KPNB1: variants seen among roughly 807,000 people sequenced by gnomAD.
KPNB1 encodes importin subunit beta-1.
KPNB1 carries 7 observed loss-of-function variants against 113.0 expected under a neutral mutation model. That is an observed-to-expected ratio of 0.06 (90% confidence interval 0.04 to 0.12). The LOEUF (loss-of-function observed/expected upper bound fraction) is 0.12. Ranked by LOEUF, KPNB1 falls within the 10% of genes least tolerant of loss-of-function variation. KPNB1 has a pLI of 1.00. For missense variants in KPNB1, 400 were observed against 1,054.8 expected, an observed-to-expected ratio of 0.38 and a Z score of 8.60; for synonymous variants, 363 against 378.6, an observed-to-expected ratio of 0.96 and a Z score of 0.48.
Position 47,684,192 on chromosome 17 carries a change from CTCCCT to C in KPNB1, c.*1792_*1796del, listed in dbSNP as rs2030877465. 6.6e-6 allele frequency: 1 copy of C among 152,088 alleles called. No individual in the cohort carries two copies. Among genetic ancestry groups the C allele is most frequent in the Non-Finnish European group, 1.5e-5 (1 of 68,020 alleles). The allele number at this position is 152,088 out of a possible 1,614,324, so 9.4% of individuals were successfully genotyped here. A position where few individuals can be genotyped will look rare whatever the true frequency, so the allele number is the denominator to read the frequency against. ...TTTTCTCCAACTCCTCGTTTATATCCTCCCTTCCATGTCCAAGCCTTCCATTCCTA... is the reference window on the plus strand; with the variant it reads ...TTTTCTCCAACTCCTCGTTTATATCCTCCATGTCCAAGCCTTCCATTCCTA... On this transcript the variant is annotated 3_prime_UTR_variant, in exon 22 of 22. Coordinates refer to ENST00000290158, the MANE Select transcript of KPNB1 (RefSeq NM_002265.6).
rs762917076 is a variant in KPNB1 at position 47,673,001 on chromosome 17, C to T, written c.1548-17C>T. 1.3e-5 allele frequency: 21 copies of T among 1,597,816 alleles called. 1 individual carries two copies. In the East Asian group the frequency reaches 1.3e-4, roughly 10 times the overall value. On this transcript the variant is annotated splice_polypyrimidine_tract_variant and intron_variant, in intron 12 of 21. Coordinates refer to ENST00000290158, the MANE Select transcript of KPNB1 (RefSeq NM_002265.6). ...TTTTCATTTGAGGCTTTAAGATTTT[C>T]GCTGTGTTCTTTACAGACCTGATGG...
chr17:47,684,005 CTT>C lies in KPNB1; in HGVS notation c.*1604_*1605del, dbSNP rs779825429. On this transcript the variant is annotated 3_prime_UTR_variant, in exon 22 of 22. Coordinates refer to ENST00000290158, the MANE Select transcript of KPNB1 (RefSeq NM_002265.6). Reference sequence around the variant, plus strand: ...AGGGATGTTGGTGAGCTTTGATCCTCTTTTGGTTTTGCAGTTGTTAGGAGTTT... The same window carrying C: ...AGGGATGTTGGTGAGCTTTGATCCTCTTGGTTTTGCAGTTGTTAGGAGTTT... 1 of 152,114 alleles carries C rather than the reference CTT, an allele frequency of 6.6e-6. No homozygotes were observed. The highest frequency in any genetic ancestry group is 1.5e-5 in the Non-Finnish European group (1 of 68,012). 9.4% of individuals were successfully genotyped at this position (152,114 alleles called of 1,614,324 possible).
chr17:47,678,261 C>G (rs747593180), intron 18 of KPNB1, 47 bp from the exon 19 acceptor site: 1 of 1,608,658 alleles, frequency 6.2e-7, no homozygotes, highest in Non-Finnish European at 8.5e-7. Context: ...AAACATGCAG[C>G]TAAAAGTGAT....
At position 47,652,742 on chromosome 17, in the gene KPNB1, A is replaced by G; in HGVS notation, c.148A>G (p.Ser50Gly). Residue 50 changes from serine (S) to glycine (G), a missense_variant, in exon 3 of 22, where the codon AGT becomes GGT. This residue lies in a region of KPNB1 where 285 missense variants were observed against 627.0 expected (regional missense o/e 0.45). Coordinates refer to ENST00000290158, the MANE Select transcript of KPNB1 (RefSeq NM_002265.6). ...LSRVLANPGN[S>G]QVARVAAGLQ... ...CAGAGTGCTGGCAAATCCAGGAAAC[A>G]GTCAGGTTGCCAGAGTTGCAGCTGG... 2 of 1,613,118 alleles carry G rather than the reference A, an allele frequency of 1.2e-6. No individual in the cohort carries two copies. The highest frequency in any genetic ancestry group is 1.7e-6 in the Non-Finnish European group (2 of 1,179,716).
chr17:47,658,734 GT>G, intron 5 of KPNB1, 74 bp downstream of exon 5: 1 of 1,329,192 alleles, frequency 7.5e-7, no homozygotes, highest in East Asian at 2.3e-5. Flanking sequence ...TTTTTGTTTT[GT>G]TTTCTTAAGT....
intron 5 of KPNB1, among the ~76,000 whole-genome samples, chr17:47,659,671 A>C (rs568818888): frequency 1.9e-4 from 29 of 152,332 alleles, no homozygotes; most frequent in Non-Finnish European, 3.4e-4. Flanking sequence ...AATGGAAAAA[A>C]AATAATGAAA....
chr17:47,660,860 C>CT (rs1365339053), intron 5 of KPNB1, among the ~76,000 whole-genome samples: 1 of 152,124 alleles, frequency 6.6e-6, no homozygotes, highest in Non-Finnish European at 1.5e-5. Flanking sequence ...TCCCTGAAGT[C>CT]TTTGTTAGTG....
rs1555619992 is a variant in KPNB1 at position 47,683,118 on chromosome 17, A to AAAC, written c.*715_*716insACA. On this transcript the variant is annotated 3_prime_UTR_variant, in exon 22 of 22. Coordinates refer to ENST00000290158, the MANE Select transcript of KPNB1 (RefSeq NM_002265.6). ...AAAAAAAAAAAAAAAAAAAAAAAAAAACACACACACAGAGGAAAGACGCTC... is the reference window on the plus strand; with the variant it reads ...AAAAAAAAAAAAAAAAAAAAAAAAAAAACACACACACACAGAGGAAAGACGCTC... 2.4e-4 allele frequency: 34 copies of AAAC among 143,186 alleles called. No individual in the cohort carries two copies. Among genetic ancestry groups the AAAC allele is most frequent in the Middle Eastern group, 3.8e-3 (1 of 264 alleles). The allele number at this position is 143,186 out of a possible 1,614,324, so 8.9% of individuals were successfully genotyped here. A position where few individuals can be genotyped will look rare whatever the true frequency, so the allele number is the denominator to read the frequency against.
intron 15 of KPNB1, among the ~76,000 whole-genome samples, chr17:47,675,365 T>TTTTTG (rs2030572654): frequency 8.8e-6 from 1 of 114,108 alleles, no homozygotes; most frequent in Non-Finnish European, 1.8e-5. Context: ...GGTGTTGTTT[T>TTTTTG]TTTTTTGTTT....
At chr17:47,676,526 T>C in intron 16 of KPNB1, 35 bp downstream of exon 16, 2 of 1,487,888 alleles carry the variant, frequency 1.3e-6, no homozygotes, top group Non-Finnish European at 9.4e-7. Context: ...ATGTTCCCAT[T>C]TATATCTGAC....
At chr17:47,677,967 T>C in intron 17 of KPNB1, 79 bp from the exon 18 acceptor site, 2 of 1,382,650 alleles carry the variant, frequency 1.4e-6, no homozygotes, top group Non-Finnish European at 1.0e-6. Flanking sequence ...AATAGTTGCT[T>C]GTTAGAAATG....
chr17:47,653,113 A>G (rs952531146), intron 3 of KPNB1, among the ~76,000 whole-genome samples: 56 of 152,092 alleles, frequency 3.7e-4, no homozygotes, highest in African/African-American at 1.4e-3. Context: ...AGTTTGGGAA[A>G]CTTTAATTAC....
chr17:47,681,895 C>G (rs1447187795), intron 21 of KPNB1, among the ~76,000 whole-genome samples: 1 of 152,008 alleles, frequency 6.6e-6, no homozygotes, highest in Non-Finnish European at 1.5e-5. Context: ...TGCAGTGGTA[C>G]AATCACACCT....
intron 10 of KPNB1, among the ~76,000 whole-genome samples, chr17:47,669,090 T>C (rs908675021): frequency 7.9e-6 from 1 of 125,948 alleles, no homozygotes; most frequent in African/African-American, 2.6e-5. Context: ...TCTGAGTAAT[T>C]CTTTTTTTTT....
intron 13 of KPNB1, 135 bp from the exon 14 acceptor site, chr17:47,673,349 ATATGTG>A (rs1204077769): frequency 1.2e-6 from 1 of 865,814 alleles, no homozygotes; most frequent in African/African-American, 1.7e-5. Flanking sequence ...GTTTACTCAT[ATATGTG>A]TTACACTATA....
chr17:47,650,779 G>C (rs759342668), intron 2 of KPNB1, among the ~76,000 whole-genome samples: 16 of 152,234 alleles, frequency 1.1e-4, no homozygotes, highest in Non-Finnish European at 2.1e-4. Context: ...GTTCAGCAGG[G>C]GTGGGGGCGG....
At chr17:47,656,543 CTT>C (rs35834634) in intron 3 of KPNB1, among the ~76,000 whole-genome samples, 2 of 145,496 alleles carry the variant, frequency 1.4e-5, no homozygotes, top group Admixed American at 6.8e-5. Context: ...TTGTATTTTC[CTT>C]TTTTTTTTTT....
Position 47,650,127 on chromosome 17 carries a change from G to GCCCCCCCC in KPNB1, c.-112_-111insCCCCCCCC. 2.2e-5 allele frequency: 15 copies of GCCCCCCCC among 686,060 alleles called. No homozygotes were observed. The highest frequency in any genetic ancestry group is 1.7e-4 in the South Asian group (4 of 23,506). The allele number at this position is 686,060 out of a possible 1,614,324, so 42.5% of individuals were successfully genotyped here. ...GGTGAATGGGTTTGTGGTGACCCCC[G>GCCCCCCCC]CCCCCCACCCCACCCTCCCTTCCCA... On this transcript the variant is annotated 5_prime_UTR_variant, in exon 1 of 22. Transcript: ENST00000290158.
At position 47,668,353 on chromosome 17, in the gene KPNB1, T is replaced by C. The variant is rs764353362; in HGVS notation, c.1167T>C (p.Ala389=). 1 of 1,614,090 alleles carries C rather than the reference T, an allele frequency of 6.2e-7. No individual in the cohort carries two copies. The highest frequency in any genetic ancestry group is 1.3e-5 in the African/African-American group (1 of 74,938). The change falls in exon 10 of 22, where the codon GCT becomes GCC. Residue 389 remains alanine (A), a synonymous_variant. Transcript: ENST00000290158. ...DWRYRDAAVM[A]FGCILEGPEP... is the part of the protein sequence containing the mutation. ...GGTACCGGGATGCAGCAGTGATGGC[T>C]TTTGGTTGTATCTTGGAAGGACCAG...
Sources: gnomAD v4.1 joint callset for allele counts (sites outside exome capture counted in the v4.1 genomes callset) on GRCh38, gnomAD v4.1.1 for gene constraint, gnomAD v4.1.1 regional missense constraint, MANE v1.5 for transcripts, NCBI Gene and HGNC (gene_info 2026-07-23, HGNC 2026-07-21) for gene names.